The following TENM1 variants were observed in gnomAD, a reference collection of about 807,000 sequenced individuals.
TENM1 encodes the protein teneurin-1.
TENM1 carries 35 observed loss-of-function variants against 174.8 expected under a neutral mutation model. That is an observed-to-expected ratio of 0.20 (90% CI 0.15 to 0.27). TENM1 has a LOEUF of 0.27. TENM1 is among the 10% of genes least tolerant of loss of function. The probability of loss-of-function intolerance (pLI) is 1.00; values close to 1 mark genes in which losing one functional copy is unlikely to be tolerated. For missense variants in TENM1, 1,633 were observed against 2,130.1 expected (o/e 0.77, Z 4.59); for synonymous variants, 781 against 798.7 (o/e 0.98, Z 0.37).
chrX:124,973,588 G>T, the TENM1 span, among the ~76,000 whole-genome samples: 1 of 111,043 alleles, frequency 9.0e-6, no homozygotes, highest in African/African-American at 3.3e-5. Context: ...CTTGAGCAGT[G>T]GTTTGTAATT....
At chrX:124,601,960 C>G (rs1343163993) in intron 11 of TENM1, among the ~76,000 whole-genome samples, 1 of 111,309 alleles carries the variant, frequency 9.0e-6, no homozygotes, top group Non-Finnish European at 1.9e-5. Context: ...AGCACTGCAA[C>G]TATAACTTAG....
chrX:124,761,393 G>A (rs940613781), intron 3 of TENM1, among the ~76,000 whole-genome samples: 5 of 109,621 alleles, frequency 4.6e-5, no homozygotes, highest in Non-Finnish European at 7.6e-5. Context: ...GTCCTTTGTA[G>A]GGACATGGAT....
chrX:124,498,438 A>C (rs755999987), intron 19 of TENM1, among the ~76,000 whole-genome samples: 3 of 110,175 alleles, frequency 2.7e-5, no homozygotes, highest in Non-Finnish European at 3.8e-5. Flanking sequence ...CACATTCCTT[A>C]CTGTTAAGGC....
chrX:124,580,690 TTAA>T (rs2049282968), intron 11 of TENM1, among the ~76,000 whole-genome samples: 1 of 111,329 alleles, frequency 9.0e-6, no homozygotes, highest in South Asian at 3.8e-4. Context: ...TTGTACTGTA[TTAA>T]TAATTTTTTA....
intron 14 of TENM1, among the ~76,000 whole-genome samples, chrX:124,549,784 C>T (rs907879625): frequency 1.8e-5 from 2 of 111,312 alleles, no homozygotes; most frequent in African/African-American, 3.3e-5. Flanking sequence ...GTCCAGCACA[C>T]GGGCAAAGAT....
chrX:124,996,409 C>T, the TENM1 span, among the ~76,000 whole-genome samples: 1 of 109,932 alleles, frequency 9.1e-6, no homozygotes. Context: ...AATAGATATT[C>T]CAGTTGAAAG....
chrX:124,455,136 A>G (rs1399982239), intron 22 of TENM1, among the ~76,000 whole-genome samples: 1 of 112,475 alleles, frequency 8.9e-6, no homozygotes, highest in Admixed American at 9.4e-5. Context: ...CTTAACATCT[A>G]TAAAAGTTAC....
At chrX:125,022,470 G>A in the TENM1 span, among the ~76,000 whole-genome samples, 1 of 111,643 alleles carries the variant, frequency 9.0e-6, no homozygotes, top group African/African-American at 3.2e-5. Context: ...TCTAGCTTAA[G>A]GTTAACTCCT....
At chrX:125,189,533 C>G in the TENM1 span, among the ~76,000 whole-genome samples, 1 of 112,053 alleles carries the variant, frequency 8.9e-6, no homozygotes, top group Non-Finnish European at 1.9e-5. Flanking sequence ...AAGCAGAGCC[C>G]TATGTCCAAA....
intron 16 of TENM1, among the ~76,000 whole-genome samples, chrX:124,528,578 C>T (rs16999263): frequency 0.079 from 8,669 of 109,755 alleles, 245 homozygotes; most frequent in South Asian, 0.13. Flanking sequence ...ACCAAAATTC[C>T]GTTATTCAAT....
the TENM1 span, among the ~76,000 whole-genome samples, chrX:125,004,657 T>C: frequency 1.8e-5 from 2 of 112,006 alleles, no homozygotes; most frequent in Non-Finnish European, 3.8e-5. Flanking sequence ...TAAACACACA[T>C]ATACCTATCA....
At chrX:124,632,191 A>G (rs1353546534) in intron 11 of TENM1, among the ~76,000 whole-genome samples, 1 of 110,096 alleles carries the variant, frequency 9.1e-6, no homozygotes, top group African/African-American at 3.3e-5. Flanking sequence ...GGTTACAGGC[A>G]TGAGCCACCA....
chrX:124,404,637 G>A (rs1195603583), intron 27 of TENM1, among the ~76,000 whole-genome samples: 1 of 110,139 alleles, frequency 9.1e-6, no homozygotes, highest in Admixed American at 9.6e-5. Context: ...TTTCCAAAGA[G>A]CTACCTGGAA....
the TENM1 span, among the ~76,000 whole-genome samples, chrX:124,978,052 A>G: frequency 7.5e-5 from 8 of 106,234 alleles, no homozygotes; most frequent in East Asian, 2.5e-3. Flanking sequence ...TTCAGATTGG[A>G]TAATATCTAC....
chrX:124,596,966 A>G (rs974511519), intron 11 of TENM1, among the ~76,000 whole-genome samples: 34 of 111,672 alleles, frequency 3.0e-4, no homozygotes, highest in African/African-American at 1.1e-3. Context: ...TCAAAACCAC[A>G]ATGTAATACC....
chrX:124,555,725 T>C (rs980857291), intron 14 of TENM1, among the ~76,000 whole-genome samples: 1 of 112,061 alleles, frequency 8.9e-6, no homozygotes, highest in Admixed American at 9.5e-5. Flanking sequence ...AAATCAGCAG[T>C]TCACAAATAG....
At chrX:124,427,949 T>TG (rs5903664) in intron 23 of TENM1, among the ~76,000 whole-genome samples, 5 of 109,439 alleles carry the variant, frequency 4.6e-5, no homozygotes, top group African/African-American at 1.0e-4. Context: ...ACTTCTTTTT[T>TG]GGGGGGGTGG....
intron 20 of TENM1, among the ~76,000 whole-genome samples, chrX:124,489,628 C>T (rs991125573): frequency 8.9e-6 from 1 of 111,802 alleles, no homozygotes; most frequent in African/African-American, 3.3e-5. Flanking sequence ...TGTCTAGCTT[C>T]TTCCACTTAA....
chrX:124,727,405 G>A (rs759347222), intron 4 of TENM1, among the ~76,000 whole-genome samples: 43 of 112,218 alleles, frequency 3.8e-4, no homozygotes, highest in African/African-American at 1.3e-3. Context: ...ATTATCATGA[G>A]TAATAGAATA....
Sources: gnomAD v4.1 joint callset for allele counts (sites outside exome capture counted in the v4.1 genomes callset) on GRCh38, gnomAD v4.1.1 for gene constraint, MANE v1.5 for transcripts, NCBI Gene and HGNC (gene_info 2026-07-23, HGNC 2026-07-21) for gene names.